DECR1: variants seen among roughly 807,000 people sequenced by gnomAD.
DECR1 encodes the protein 2,4-dienoyl-CoA reductase 1, also known as 2,4-dienoyl-CoA reductase [(3E)-enoyl-CoA-producing], mitochondrial.
In DECR1, 44 loss-of-function variants were observed where a neutral mutation model predicts 38.8. The observed-to-expected ratio is 1.13, with a 90% CI of 0.89 to 1.46. The LOEUF is 1.46. Ranked by LOEUF, DECR1 falls within the 40% of genes most tolerant of loss-of-function variation. The pLI is 0.00. For synonymous variants in DECR1, 148 were observed against 135.2 expected (o/e 1.09, Z -0.66); for missense variants, 428 against 405.5 (o/e 1.06, Z -0.48).
chr8:90,028,178 T>G (rs574784328), intron 5 of DECR1, among the ~76,000 whole-genome samples: 1 of 152,276 alleles, frequency 6.6e-6, no homozygotes, highest in African/African-American at 2.4e-5. Context: ...AAATTGTTAC[T>G]TTAACCTGAA....
chr8:90,052,179 G>A lies in DECR1; in HGVS notation c.*282G>A, dbSNP rs1176465159. The stretch of plus-strand genomic sequence containing the variant: ...GGTAAAAAGTACTTAGAAGTGCAGA[G>A]AGAACAGATCTTTGTGACTTGGAAA... On this transcript the variant is annotated 3_prime_UTR_variant, in exon 10 of 10. Transcript: ENST00000220764. 2 of 341,562 alleles carry A rather than the reference G, an allele frequency of 5.9e-6. No homozygotes were observed. Among genetic ancestry groups the A allele is most frequent in the Non-Finnish European group, 1.1e-5 (2 of 188,376 alleles). The allele number at this position is 341,562 out of a possible 1,614,324, so 21.2% of individuals were successfully genotyped here. A position where few individuals can be genotyped will look rare whatever the true frequency, so the allele number is the denominator to read the frequency against.
At chr8:90,042,860 G>T (rs1312975650) in intron 7 of DECR1, 60 bp downstream of exon 7, 10 of 1,394,444 alleles carry the variant, frequency 7.2e-6, no homozygotes, top group African/African-American at 1.4e-5. Context: ...ACACTGATAG[G>T]TATATTCTGG....
chr8:90,027,630 T>A lies in DECR1; in HGVS notation c.565+6574T>A, dbSNP rs556480029. Among the ~76,000 whole-genome samples the A allele has an allele frequency of 5.6e-4, 85 of 152,246 alleles. 1 individual carries two copies. The South Asian group carries it at 0.017, about 30-fold the overall frequency. On this transcript the variant is annotated intron_variant, in intron 5 of 9. Transcript: ENST00000220764. ...TGTGTGTCTCTGCAGGTGAGATGGG[T>A]CTCCTGAATACAGCACACTGATGGG...
chr8:90,046,122 C>A (rs6987476), intron 8 of DECR1, among the ~76,000 whole-genome samples: 3,572 of 152,270 alleles, frequency 0.023, 133 homozygotes, highest in African/African-American at 0.081. Flanking sequence ...AAATTCAGAG[C>A]GCCTCTTCTC....
Position 90,052,844 on chromosome 8 carries a change from C to T in DECR1, c.*947C>T, listed in dbSNP as rs1805892. ...ATTTTGCTTTCCCAGGAGTCAGTTA[C>T]AACATGTTCACTAGACTGACTATCC... On this transcript the variant is annotated 3_prime_UTR_variant, in exon 10 of 10. Coordinates refer to ENST00000220764, the MANE Select transcript of DECR1 (RefSeq NM_001359.2). 0.045 allele frequency among the ~76,000 whole-genome samples: 6,875 copies of T among 152,194 alleles called. 294 individuals carry two copies. Among genetic ancestry groups the T allele is most frequent in the East Asian group, 0.2 (1,011 of 5,164 alleles).
rs150686391 is a variant in DECR1, at chr8:90,026,455, G to A, written c.565+5399G>A. On this transcript the variant is annotated intron_variant, in intron 5 of 9. Coordinates refer to ENST00000220764, the MANE Select transcript of DECR1 (RefSeq NM_001359.2). ...CTTCCTCCTGGTTTAGTCTTGGGTG[G>A]GTGTATGTGTCCAGGAATGTATCCA... 3.9e-3 allele frequency among the ~76,000 whole-genome samples: 592 copies of A among 152,066 alleles called. 17 individuals carry two copies. In the East Asian group the frequency reaches 0.06, roughly 15 times the overall value.
intron 1 of DECR1, chr8:90,005,556 T>A (rs1309657682): frequency 2.4e-6 from 1 of 412,822 alleles, no homozygotes; most frequent in Non-Finnish European, 4.8e-6. Context: ...CTTACATAAC[T>A]CTGGAGGAGG....
intron 1 of DECR1, among the ~76,000 whole-genome samples, chr8:90,006,895 G>C (rs1005251715): frequency 2.6e-5 from 4 of 152,180 alleles, no homozygotes; most frequent in Admixed American, 2.6e-4. Flanking sequence ...TTTGGCCCCT[G>C]AGCTAAGGAC....
At chr8:90,032,546 A>G (rs1455147427) in intron 5 of DECR1, among the ~76,000 whole-genome samples, 1 of 152,180 alleles carries the variant, frequency 6.6e-6, no homozygotes, top group Non-Finnish European at 1.5e-5. Flanking sequence ...GTAAAATAAG[A>G]AATTCAGTTC....
At chr8:90,042,898 G>C in intron 7 of DECR1, 98 bp downstream of exon 7, 1 of 1,039,236 alleles carries the variant, frequency 9.6e-7, no homozygotes, top group Non-Finnish European at 1.5e-6. Flanking sequence ...TTCCAGAGAT[G>C]CCTAGGTTTA....
chr8:90,022,310 G>A (rs946758883), intron 5 of DECR1, among the ~76,000 whole-genome samples: 6 of 152,088 alleles, frequency 3.9e-5, no homozygotes, highest in Admixed American at 1.3e-4. Context: ...CTTGAGATAC[G>A]CTGTAGGAAC....
intron 5 of DECR1, among the ~76,000 whole-genome samples, chr8:90,022,545 G>T (rs1232388303): frequency 6.6e-6 from 1 of 151,960 alleles, no homozygotes; most frequent in South Asian, 2.1e-4. Flanking sequence ...AGTGGGAAGG[G>T]GGGACAGGGA....
At chr8:90,048,510 C>T (rs1423574540) in intron 8 of DECR1, among the ~76,000 whole-genome samples, 2 of 152,128 alleles carry the variant, frequency 1.3e-5, no homozygotes, top group Admixed American at 6.5e-5. Flanking sequence ...CCTGAATACA[C>T]CAATAACACA....
At position 90,019,135 on chromosome 8, in the gene DECR1, CTG is replaced by C. The variant is rs1237895577; in HGVS notation, c.384_385del (p.Ser129ArgfsTer10). 7.4e-6 allele frequency: 12 copies of C among 1,614,078 alleles called. No individual in the cohort carries two copies. The highest frequency in any genetic ancestry group is 3.3e-5 in the South Asian group (3 of 91,090). On this transcript the variant is annotated frameshift_variant, in exon 4 of 10. Transcript: ENST00000220764. LOFTEE classifies it high-confidence loss of function. Reference sequence around the variant, plus strand: ...AGGGATCCTGATATGGTTCAAAACACTGTGTCAGAACTGATCAAAGTTGCAGG... The same window carrying C: ...AGGGATCCTGATATGGTTCAAAACACTGTCAGAACTGATCAAAGTTGCAGG...
intron 1 of DECR1, among the ~76,000 whole-genome samples, chr8:90,009,683 G>C (rs371744470): frequency 6.6e-6 from 1 of 152,168 alleles, no homozygotes; most frequent in East Asian, 1.9e-4. Flanking sequence ...TGCAAGAGCA[G>C]AGATTCTAAT....
chr8:90,003,466 A>G (rs1812666231), intron 1 of DECR1, among the ~76,000 whole-genome samples: 1 of 152,178 alleles, frequency 6.6e-6, no homozygotes. Flanking sequence ...CCTGCTCTCA[A>G]CTGTTCTCAA....
chr8:90,036,356 A>G (rs958467847), intron 5 of DECR1, among the ~76,000 whole-genome samples: 2 of 152,138 alleles, frequency 1.3e-5, no homozygotes, highest in Non-Finnish European at 2.9e-5. Flanking sequence ...TATCAGAGTC[A>G]TAGTCCTTCC....
chr8:90,016,330 TGTTA>T (rs1372332778), intron 1 of DECR1, among the ~76,000 whole-genome samples: 3 of 152,238 alleles, frequency 2.0e-5, no homozygotes, highest in African/African-American at 4.8e-5. Flanking sequence ...AAATGCTTTA[TGTTA>T]GTTTTTTAAA....
At chr8:90,029,857 C>G (rs951595739) in intron 5 of DECR1, among the ~76,000 whole-genome samples, 2 of 152,104 alleles carry the variant, frequency 1.3e-5, no homozygotes, top group African/African-American at 4.8e-5. Context: ...GTACACATGC[C>G]CTGATTAGAA....
Sources: allele counts gnomAD v4.1 joint callset (sites outside exome capture counted in the v4.1 genomes callset), GRCh38; gene constraint gnomAD v4.1.1; transcripts MANE v1.5; gene names NCBI Gene and HGNC (gene_info 2026-07-23, HGNC 2026-07-21).